The following CD302 variants were observed in gnomAD, a reference collection of about 807,000 sequenced individuals.
CD302 encodes CD302 antigen.
In CD302, 23 loss-of-function variants were observed where a neutral mutation model predicts 26.5. That is an observed-to-expected ratio of 0.87 (90% CI 0.62 to 1.23). CD302 has a LOEUF of 1.23. CD302 is among the 50% of genes most tolerant of loss of function. The pLI is 0.00. For synonymous variants in CD302, 90 were observed against 99.4 expected (o/e 0.91, Z 0.56); for missense variants, 290 against 275.5 (o/e 1.05, Z -0.37).
At chr2:159,773,645 A>C (rs887684481) in intron 5 of CD302, among the ~76,000 whole-genome samples, 7 of 152,214 alleles carry the variant, frequency 4.6e-5, no homozygotes, top group Admixed American at 6.5e-5. Context: ...AGTTGCCTCC[A>C]GGGGTTTTAG....
At chr2:159,774,413 C>T (rs1427020161) in intron 5 of CD302, among the ~76,000 whole-genome samples, 2 of 152,158 alleles carry the variant, frequency 1.3e-5, no homozygotes, top group Non-Finnish European at 2.9e-5. Flanking sequence ...TACCTTAACG[C>T]TCTAGTTCTA....
At chr2:159,778,210 C>T (rs10460300) in intron 4 of CD302, among the ~76,000 whole-genome samples, 76,037 of 151,754 alleles carry the variant, frequency 0.5, 19,362 homozygotes, top group Middle Eastern at 0.63. Flanking sequence ...GAAAAGAATA[C>T]GGGATCTTGA....
At chr2:159,794,319 CTAAA>C (rs1319177095) in intron 1 of CD302, among the ~76,000 whole-genome samples, 7 of 81,344 alleles carry the variant, frequency 8.6e-5, no homozygotes, top group Admixed American at 3.9e-4. Flanking sequence ...AAAAAAAACA[CTAAA>C]TAACCCACAG....
rs115303717 is a variant in CD302 at position 159,793,362 on chromosome 2, C to T, written c.67+4770G>A. Among the ~76,000 whole-genome samples the T allele has an allele frequency of 3.5e-3, 537 of 152,072 alleles. 4 individuals are homozygous for T. The highest frequency in any genetic ancestry group is 0.012 in the African/African-American group (512 of 41,496). ...AGATAATGTCATATCCACAGGAATA[C>T]TTTGCATTACCAGTCAAATCTAATA... On this transcript the variant is annotated intron_variant, in intron 1 of 5. Transcript: ENST00000259053.
intron 5 of CD302, among the ~76,000 whole-genome samples, 156 bp downstream of exon 5, chr2:159,777,780 TGA>T (rs961909953): frequency 6.6e-6 from 1 of 152,206 alleles, no homozygotes; most frequent in Non-Finnish European, 1.5e-5. Flanking sequence ...TTTAAAATGT[TGA>T]GTCTTATTAC....
chr2:159,794,701 A>C (rs1708903738), intron 1 of CD302, among the ~76,000 whole-genome samples: 1 of 151,136 alleles, frequency 6.6e-6, no homozygotes, highest in Non-Finnish European at 1.5e-5. Context: ...GGTGCCTGCC[A>C]CCACGCCCGG....
At chr2:159,798,022 G>A in intron 1 of CD302, 110 bp downstream of exon 1, 1 of 1,041,736 alleles carries the variant, frequency 9.6e-7, no homozygotes, top group Non-Finnish European at 1.3e-6. Flanking sequence ...GGCCGGCCGG[G>A]TGTTGCGTCT....
At chr2:159,784,770 TAA>T (rs918848961) in intron 1 of CD302, among the ~76,000 whole-genome samples, 19 of 152,172 alleles carry the variant, frequency 1.2e-4, no homozygotes, top group African/African-American at 4.6e-4. Flanking sequence ...TCAAGTTTAC[TAA>T]GCTCAGAATA....
chr2:159,772,383 TC>T (rs1708178564), intron 5 of CD302, among the ~76,000 whole-genome samples: 1 of 152,200 alleles, frequency 6.6e-6, no homozygotes, highest in South Asian at 2.1e-4. Flanking sequence ...GACCTACTGT[TC>T]CCTTTAGGAA....
chr2:159,769,665 C>T lies in CD302; in HGVS notation c.*2186G>A, dbSNP rs1268177379. ...CATCATATATATATATATAGCACTT[C>T]ATTACCAGAGGCCTCTTGGCCTGTT... is the stretch of plus-strand genomic sequence containing the variant. On this transcript the variant is annotated 3_prime_UTR_variant, in exon 6 of 6. Transcript: ENST00000259053. 1 of 150,410 alleles carries T rather than the reference C, an allele frequency of 6.6e-6. No homozygotes were observed. The highest frequency in any genetic ancestry group is 1.5e-5 in the Non-Finnish European group (1 of 67,856). The allele number at this position is 150,410 out of a possible 1,614,324, so 9.3% of individuals were successfully genotyped here.
chr2:159,785,769 A>T (rs1378935869), intron 1 of CD302, among the ~76,000 whole-genome samples: 1 of 152,236 alleles, frequency 6.6e-6, no homozygotes, highest in Non-Finnish European at 1.5e-5. Flanking sequence ...TCATCCTTTG[A>T]GGCTCAGGCC....
Position 159,771,890 on chromosome 2 carries a change from T to C in CD302, c.660A>G (p.Val220=), listed in dbSNP as rs1430864236. 6.2e-7 allele frequency: 1 copy of C among 1,613,992 alleles called. No individual in the cohort carries two copies. Among genetic ancestry groups the C allele is most frequent in the East Asian group, 2.2e-5 (1 of 44,854 alleles). ...CAGGATATTCATTTTCTTCTCCAACTACCAAAACACAGTCTTCATTATAAG... is the reference window on the plus strand; with the variant it reads ...CAGGATATTCATTTTCTTCTCCAACCACCAAAACACAGTCTTCATTATAAG... ...QSPYNEDCVL[V]VGEENEYPVQ... Residue 220 remains valine (V), a synonymous_variant, in exon 6 of 6, where the codon GTA becomes GTG. Transcript: ENST00000259053.
chr2:159,783,535 ATAAGGATAT>A, intron 1 of CD302, 66 bp from the exon 2 acceptor site: 1 of 1,298,564 alleles, frequency 7.7e-7, no homozygotes. Flanking sequence ...ATTCCCAAAG[ATAAGGATAT>A]TAGATACTAA....
chr2:159,775,103 G>A (rs2125793001), intron 5 of CD302, among the ~76,000 whole-genome samples: 1 of 152,254 alleles, frequency 6.6e-6, no homozygotes. Context: ...TTATCTGCCT[G>A]TTTTCCCTAT....
Position 159,798,181 on chromosome 2 carries a change from C to T in CD302, c.18G>A (p.Leu6=). The change falls in exon 1 of 6, where the codon CTG becomes CTA. Residue 6 remains leucine (L), a synonymous_variant. Coordinates refer to ENST00000259053, the MANE Select transcript of CD302 (RefSeq NM_014880.5). MLRAA[L]PALLLPLLGL... is the part of the protein sequence containing the mutation. ...CCAGCAACGGCAGCAGGAGCGCGGG[C>T]AGCGCGGCCCGGAGCATGACGGCGG... 1 of 1,477,372 alleles carries T rather than the reference C, an allele frequency of 6.8e-7. No homozygotes were observed. Among genetic ancestry groups the T allele is most frequent in the African/African-American group, 1.5e-5 (1 of 68,328 alleles). 91.5% of individuals were successfully genotyped at this position (1,477,372 alleles called of 1,614,324 possible).
Position 159,772,050 on chromosome 2 carries a change from T to G in CD302, c.500A>C (p.Asn167Thr). Residue 167 changes from asparagine to threonine, a missense_variant, in exon 6 of 6, where the codon AAC becomes ACC. Asn to Thr is a moderately conservative substitution (Grantham distance 65). Coordinates refer to ENST00000259053, the MANE Select transcript of CD302 (RefSeq NM_014880.5). The part of the protein sequence containing the change: ...IPYKRKYLSD[N>T]HILISALVIA... ...CACCAATGCTGATATTAAAATGTGG[T>G]TATCTGAAAAGGAAAAGACAAAAGA... 6.2e-7 allele frequency: 1 copy of G among 1,613,798 alleles called. No individual in the cohort carries two copies. The highest frequency in any genetic ancestry group is 8.5e-7 in the Non-Finnish European group (1 of 1,179,830).
At chr2:159,778,301 A>G (rs1179876447) in intron 4 of CD302, among the ~76,000 whole-genome samples, 1 of 152,194 alleles carries the variant, frequency 6.6e-6, no homozygotes, top group Non-Finnish European at 1.5e-5. Context: ...AAATTAAACA[A>G]CTGTGACCCT....
chr2:159,776,419 C>A (rs184081732), intron 5 of CD302, among the ~76,000 whole-genome samples: 5 of 152,040 alleles, frequency 3.3e-5, no homozygotes, highest in African/African-American at 1.2e-4. Context: ...GGGATACATA[C>A]TCAGAATTGC....
intron 1 of CD302, among the ~76,000 whole-genome samples, chr2:159,787,367 T>G (rs886515085): frequency 6.6e-6 from 1 of 152,172 alleles, no homozygotes; most frequent in Non-Finnish European, 1.5e-5. Flanking sequence ...TAATATTTGT[T>G]TTTCATTTGT....
Sources: gnomAD v4.1 joint callset for allele counts (sites outside exome capture counted in the v4.1 genomes callset) on GRCh38, gnomAD v4.1.1 for gene constraint, MANE v1.5 for transcripts, NCBI Gene and HGNC (gene_info 2026-07-23, HGNC 2026-07-21) for gene names.